KLRG1: variants seen among roughly 807,000 people sequenced by gnomAD.
KLRG1 encodes killer cell lectin-like receptor subfamily G member 1.
A neutral mutation model predicts 21.8 loss-of-function variants in KLRG1; 16 were observed. The observed-to-expected ratio is 0.73, with a 90% CI of 0.50 to 1.11. KLRG1 has a LOEUF of 1.11. Among genes scored for constraint, KLRG1 ranks in the 50% most tolerant of loss-of-function variants. The pLI is 0.00. For missense variants in KLRG1, 173 were observed against 218.3 expected (o/e 0.79, Z 1.31); for synonymous variants, 69 against 75.9 (o/e 0.91, Z 0.47).
the KLRG1 span, chr12:9,076,978 G>T: frequency 6.7e-7 from 1 of 1,499,826 alleles, no homozygotes. Context: ...TATGTAAACA[G>T]GCATATTAGC....
chr12:8,980,423 TATTG>T (rs2137286122), intron 1 of KLRG1, among the ~76,000 whole-genome samples: 1 of 152,310 alleles, frequency 6.6e-6, no homozygotes, highest in East Asian at 1.9e-4. Flanking sequence ...ACTGGAAATC[TATTG>T]CGTTTTTTGG....
chr12:9,136,518 T>C, the KLRG1 span, among the ~76,000 whole-genome samples: 4 of 152,298 alleles, frequency 2.6e-5, no homozygotes, highest in East Asian at 1.9e-4. Context: ...CCATTGTGCA[T>C]GTGTGTGTGC....
In KLRG1 at chr12:8,998,534, C is replaced by G. The variant is rs766656918; in HGVS notation, c.357+3246C>G. 1.7e-3 allele frequency among the ~76,000 whole-genome samples: 265 copies of G among 151,726 alleles called. 1 individual carries two copies. The highest frequency in any genetic ancestry group is 6.0e-3 in the African/African-American group (249 of 41,374). ...AAGACCCTGCCTCTACAAAAAAATA[C>G]AGAAATTAGCTGGGTGTGGTGGCGC... On this transcript the variant is annotated intron_variant, in intron 3 of 4. Transcript: ENST00000356986.
At chr12:9,198,762 G>C in the KLRG1 span, among the ~76,000 whole-genome samples, 7 of 152,254 alleles carry the variant, frequency 4.6e-5, no homozygotes, top group South Asian at 1.5e-3. Context: ...CAAATAAAAA[G>C]ATAGAATCAA....
At chr12:9,157,985 G>T in the KLRG1 span, 2 of 736,884 alleles carry the variant, frequency 2.7e-6, no homozygotes, top group East Asian at 2.7e-5. Flanking sequence ...ACAGGTTCTT[G>T]CTCTGTAGCT....
At chr12:9,093,919 C>CAACA in the KLRG1 span, among the ~76,000 whole-genome samples, 70 of 146,052 alleles carry the variant, frequency 4.8e-4, no homozygotes, top group Admixed American at 6.7e-4. Flanking sequence ...AAACAAACAA[C>CAACA]AAAAAAAAAC....
chr12:9,015,438 T>C (rs934523257), downstream of KLRG1, among the ~76,000 whole-genome samples: 8 of 152,084 alleles, frequency 5.3e-5, no homozygotes, highest in African/African-American at 1.9e-4. Context: ...GATAAAGATG[T>C]CAATTCAGCA....
the KLRG1 span, chr12:9,070,728 G>A: frequency 3.3e-5 from 20 of 600,610 alleles, no homozygotes; most frequent in African/African-American, 1.3e-4. Context: ...AGTGGTGTGC[G>A]TAGAATTTTT....
At chr12:9,017,947 C>T in the KLRG1 span, among the ~76,000 whole-genome samples, 1 of 152,266 alleles carries the variant, frequency 6.6e-6, no homozygotes, top group African/African-American at 2.4e-5. Flanking sequence ...TACAAAAAAT[C>T]AGTAGCATTT....
At chr12:9,148,946 A>G in the KLRG1 span, 1 of 1,594,990 alleles carries the variant, frequency 6.3e-7, no homozygotes, top group Non-Finnish European at 8.6e-7. Context: ...CAGAGAATCC[A>G]CCAAAATATA....
the KLRG1 span, chr12:9,194,000 A>G: frequency 2.3e-6 from 3 of 1,315,272 alleles, no homozygotes; most frequent in African/African-American, 2.9e-5. Flanking sequence ...CTTAAATGCA[A>G]TCTGTACATT....
chr12:9,148,313 A>G, the KLRG1 span, among the ~76,000 whole-genome samples: 3 of 152,180 alleles, frequency 2.0e-5, no homozygotes, highest in Non-Finnish European at 4.4e-5. Context: ...AAAATAATCT[A>G]TAGGATGCAG....
chr12:9,125,294 T>A, the KLRG1 span, among the ~76,000 whole-genome samples: 1 of 152,186 alleles, frequency 6.6e-6, no homozygotes, highest in Non-Finnish European at 1.5e-5. Flanking sequence ...GTCCTTCACT[T>A]GTCTGGGTAC....
At chr12:9,145,462 C>A in the KLRG1 span, among the ~76,000 whole-genome samples, 549 of 152,228 alleles carry the variant, frequency 3.6e-3, 4 homozygotes, top group African/African-American at 0.013. Context: ...TATCATCTGT[C>A]CCTACACACT....
the KLRG1 span, chr12:9,067,490 A>G: frequency 2.7e-6 from 1 of 376,486 alleles, no homozygotes; most frequent in Non-Finnish European, 5.0e-6. Context: ...TATTCCCATA[A>G]CCAAACACAC....
chr12:9,083,229 G>A, the KLRG1 span, among the ~76,000 whole-genome samples: 43 of 152,110 alleles, frequency 2.8e-4, no homozygotes, highest in East Asian at 6.6e-3. Flanking sequence ...ATCACACACC[G>A]GGGCCTGTTG....
At chr12:9,043,623 G>A in the KLRG1 span, among the ~76,000 whole-genome samples, 1 of 152,284 alleles carries the variant, frequency 6.6e-6, no homozygotes, top group Non-Finnish European at 1.5e-5. Context: ...TTCCAAAGGT[G>A]GCCACAATAA....
the KLRG1 span, among the ~76,000 whole-genome samples, chr12:9,133,109 G>T: frequency 6.6e-6 from 1 of 152,104 alleles, no homozygotes; most frequent in Non-Finnish European, 1.5e-5. Flanking sequence ...TCCTACTAGG[G>T]CAAGTGCTGG....
rs756632141 is a variant in KLRG1 at position 9,009,721 on chromosome 12, C to T, written c.*184C>T. The stretch of plus-strand genomic sequence containing the variant: ...CCTAACTGATGGATTCTCTTTGAGA[C>T]TATTTAGATATTATGTGAGCAATTT... On this transcript the variant is annotated 3_prime_UTR_variant, in exon 5 of 5. Coordinates refer to ENST00000356986, the MANE Select transcript of KLRG1 (RefSeq NM_005810.4). The T allele has an allele frequency of 2.8e-6, 4 of 1,420,866 alleles. No individual in the cohort carries two copies. The highest frequency in any genetic ancestry group is 3.7e-6 in the Non-Finnish European group (4 of 1,092,492). The allele number at this position is 1,420,866 out of a possible 1,614,324, so 88.0% of individuals were successfully genotyped here.
Sources: allele counts gnomAD v4.1 joint callset (sites outside exome capture counted in the v4.1 genomes callset), GRCh38; gene constraint gnomAD v4.1.1; transcripts MANE v1.5; gene names NCBI Gene and HGNC (gene_info 2026-07-23, HGNC 2026-07-21).